Variants in MECOM observed in about 807,000 individuals in gnomAD.
MECOM encodes MDS1 and EVI1 complex locus, also known as histone-lysine N-methyltransferase MECOM.
MECOM carries 13 observed loss-of-function variants against 116.3 expected under a neutral mutation model. The ratio of observed to expected loss-of-function variants is 0.11; its 90% CI spans 0.07 to 0.18. The LOEUF is 0.18. MECOM is among the 10% of genes least tolerant of loss of function. The probability of loss-of-function intolerance (pLI) is 1.00; values close to 1 mark genes in which losing one functional copy is unlikely to be tolerated. For missense variants in MECOM, 1,299 were observed against 1,509.0 expected, an observed-to-expected ratio of 0.86 and a Z score of 2.31; for synonymous variants, 528 against 535.2, an observed-to-expected ratio of 0.99 and a Z score of 0.19.
chr3:169,400,125 T>A (rs1042109598), intron 1 of MECOM, among the ~76,000 whole-genome samples: 8 of 152,222 alleles, frequency 5.3e-5, no homozygotes, highest in African/African-American at 1.9e-4. Context: ...TGAAATGGCC[T>A]GTCAATTTTA....
chr3:169,571,660 C>T (rs1323746627), intron 1 of MECOM, among the ~76,000 whole-genome samples: 3 of 152,138 alleles, frequency 2.0e-5, no homozygotes, highest in African/African-American at 4.8e-5. Flanking sequence ...ACCAATGGAA[C>T]AGAACAGAGG....
chr3:169,598,294 A>T (rs1479956844), intron 1 of MECOM, among the ~76,000 whole-genome samples: 2 of 152,214 alleles, frequency 1.3e-5, no homozygotes, highest in Non-Finnish European at 2.9e-5. Context: ...TTAGCATTAG[A>T]TGCAATTTTA....
chr3:169,219,039 C>T (rs969197180), intron 2 of MECOM, among the ~76,000 whole-genome samples: 2 of 152,134 alleles, frequency 1.3e-5, no homozygotes, highest in East Asian at 3.9e-4. Context: ...CTGCTGTGGG[C>T]TTTTTGCAAC....
chr3:169,452,239 A>G (rs1383228586), intron 1 of MECOM, among the ~76,000 whole-genome samples: 1 of 152,068 alleles, frequency 6.6e-6, no homozygotes, highest in African/African-American at 2.4e-5. Context: ...AGGCCAAGTG[A>G]TAGAGGTCAA....
chr3:169,455,481 A>C (rs1219703471), intron 1 of MECOM, among the ~76,000 whole-genome samples: 1 of 152,210 alleles, frequency 6.6e-6, no homozygotes. Flanking sequence ...AAGGGATCAT[A>C]GAAGTTAAAA....
chr3:169,301,865 C>T (rs988732113), intron 2 of MECOM, among the ~76,000 whole-genome samples: 7 of 151,872 alleles, frequency 4.6e-5, no homozygotes, highest in African/African-American at 1.7e-4. Context: ...CCTTTTATGT[C>T]CATTTCCTTC....
intron 1 of MECOM, among the ~76,000 whole-genome samples, chr3:169,614,160 C>T (rs1769684326): frequency 6.7e-6 from 1 of 149,316 alleles, no homozygotes; most frequent in Non-Finnish European, 1.5e-5. Flanking sequence ...ATCTCTTTCC[C>T]ACACACACAA....
Position 169,095,209 on chromosome 3 carries a change from A to G in MECOM, c.2886T>C (p.Ser962=), listed in dbSNP as rs747209504. Residue 962 remains serine (S), a synonymous_variant, in exon 13 of 17, where the codon TCT becomes TCC. Transcript: ENST00000651503. ...KYCDRSFSIS[S]NLQRHVRNIH... The stretch of plus-strand genomic sequence containing the variant: ...TGTTGCGAACATGCCTTTGCAAGTT[A>G]GAAGATATGCTAAATGATCTGTCAC... 24 of 1,613,258 alleles carry G rather than the reference A, an allele frequency of 1.5e-5. No individual in the cohort carries two copies. In the South Asian group the frequency reaches 2.3e-4, roughly 16 times the overall value.
intron 2 of MECOM, among the ~76,000 whole-genome samples, chr3:169,251,912 C>A (rs1373037087): frequency 6.6e-6 from 1 of 152,086 alleles, no homozygotes; most frequent in Admixed American, 6.6e-5. Flanking sequence ...ATAATCCAAA[C>A]CATATATTAC....
At chr3:169,453,374 T>C (rs539160868) in intron 1 of MECOM, among the ~76,000 whole-genome samples, 54 of 152,332 alleles carry the variant, frequency 3.5e-4, no homozygotes, top group African/African-American at 1.3e-3. Context: ...GGATGGAAAC[T>C]GCTGGAGAAG....
At chr3:169,191,716 GA>G (rs5854314) in intron 2 of MECOM, among the ~76,000 whole-genome samples, 70,485 of 117,770 alleles carry the variant, frequency 0.6, 19,090 homozygotes, top group Middle Eastern at 0.67. Flanking sequence ...AAGAAAGAAA[GA>G]AAAAAAGAAA....
chr3:169,478,542 G>C (rs1050702270), intron 1 of MECOM, among the ~76,000 whole-genome samples: 11 of 152,178 alleles, frequency 7.2e-5, no homozygotes, highest in Non-Finnish European at 1.5e-4. Context: ...GCTAAGCCAA[G>C]ATTGAGTTAT....
chr3:169,400,006 C>G (rs1008225534), intron 1 of MECOM, among the ~76,000 whole-genome samples: 18 of 152,174 alleles, frequency 1.2e-4, no homozygotes, highest in Admixed American at 1.0e-3. Flanking sequence ...AAATACTCAA[C>G]ATTCTATTCC....
At chr3:169,177,858 C>A (rs149780246) in intron 2 of MECOM, among the ~76,000 whole-genome samples, 3 of 150,494 alleles carry the variant, frequency 2.0e-5, no homozygotes, top group African/African-American at 7.3e-5. Flanking sequence ...GCAGAGGTTG[C>A]GGTGAGATGA....
intron 2 of MECOM, among the ~76,000 whole-genome samples, chr3:169,338,600 G>GGTGTGTGT (rs149763365): frequency 0.018 from 2,614 of 146,510 alleles, 54 homozygotes; most frequent in African/African-American, 0.053. Context: ...TTATGTTAGG[G>GGTGTGTGT]GTGTGTGTGT....
chr3:169,120,048 G>C (rs1320353282), intron 7 of MECOM, among the ~76,000 whole-genome samples: 2 of 152,184 alleles, frequency 1.3e-5, no homozygotes, highest in Non-Finnish European at 2.9e-5. Context: ...AGGTCCTGTA[G>C]TAGTGTCTCA....
chr3:169,182,126 T>A (rs1441809127), intron 2 of MECOM, among the ~76,000 whole-genome samples: 3 of 152,224 alleles, frequency 2.0e-5, no homozygotes, highest in Non-Finnish European at 4.4e-5. Context: ...CTGAGATGTT[T>A]ACGATTAATT....
In MECOM at chr3:169,121,176, T is replaced by C. The variant is rs1324059184; in HGVS notation, c.1012A>G (p.Ile338Val). 6.2e-7 allele frequency: 1 copy of C among 1,612,612 alleles called. No individual in the cohort carries two copies. The highest frequency in any genetic ancestry group is 2.2e-5 in the East Asian group (1 of 44,856). ...FTDPSNLQRH[I>V]RSQHVGARAH... ...CGGGCACCGACATGCTGAGAGCGAA[T>C]GTGCCGCTGAAGGTTGCTAGGGTCC... Residue 338 changes from isoleucine (I) to valine (V), a missense_variant, in exon 7 of 17, where the codon ATT (isoleucine) becomes GTT (valine). This residue lies in a region of MECOM where 374 missense variants were observed against 433.4 expected (regional missense o/e 0.86). Transcript: ENST00000651503.
intron 2 of MECOM, among the ~76,000 whole-genome samples, chr3:169,208,895 CA>C (rs11377362): frequency 0.079 from 10,580 of 134,084 alleles, 405 homozygotes; most frequent in Non-Finnish European, 0.1. Flanking sequence ...CAATCGTAAG[CA>C]AAAAAAAAAA....
Sources: gnomAD v4.1 joint callset for allele counts (sites outside exome capture counted in the v4.1 genomes callset) on GRCh38, gnomAD v4.1.1 for gene constraint, gnomAD v4.1.1 regional missense constraint, MANE v1.5 for transcripts, NCBI Gene and HGNC (gene_info 2026-07-23, HGNC 2026-07-21) for gene names.